The following ZNF827 variants were observed in gnomAD, a reference collection of about 807,000 sequenced individuals.
ZNF827 encodes zinc finger protein 827.
A neutral mutation model predicts 102.4 loss-of-function variants in ZNF827; 13 were observed. That is an observed-to-expected ratio of 0.13 (90% CI 0.08 to 0.20). ZNF827 has a LOEUF of 0.20. Ranked by LOEUF, ZNF827 falls within the 10% of genes least tolerant of loss-of-function variation. The probability of loss-of-function intolerance (pLI) is 1.00; values close to 1 mark genes in which losing one functional copy is unlikely to be tolerated. For synonymous variants in ZNF827, 523 were observed against 536.2 expected (o/e 0.98, Z 0.34); for missense variants, 1,103 against 1,344.4 (o/e 0.82, Z 2.81).
intron 6 of ZNF827, among the ~76,000 whole-genome samples, chr4:145,848,407 C>T (rs964805533): frequency 1.3e-5 from 2 of 152,106 alleles, no homozygotes; most frequent in Non-Finnish European, 1.5e-5. Context: ...CAGATTTTAG[C>T]TTTTTTTCTC....
intron 8 of ZNF827, among the ~76,000 whole-genome samples, chr4:145,808,762 A>G (rs1231437752): frequency 1.3e-5 from 2 of 152,002 alleles, no homozygotes; most frequent in African/African-American, 2.4e-5. Flanking sequence ...TAGGTCTACC[A>G]TTTTTCTGGA....
intron 7 of ZNF827, chr4:145,835,328 CT>C (rs1318586900): frequency 3.3e-5 from 5 of 152,074 alleles, no homozygotes; most frequent in African/African-American, 1.2e-4. Flanking sequence ...AATTCGGAGG[CT>C]ACCCACTCTA....
At chr4:145,836,295 G>C (rs1030570469) in intron 7 of ZNF827, among the ~76,000 whole-genome samples, 1 of 151,654 alleles carries the variant, frequency 6.6e-6, no homozygotes, top group African/African-American at 2.4e-5. Context: ...TGGTTAGCGC[G>C]GTCAGAATTC....
rs1376469282 is a variant in ZNF827, at chr4:145,938,331, T to C, written c.43+34A>G. On this transcript the variant is annotated intron_variant, in intron 1 of 14. Coordinates refer to ENST00000508784, the MANE Select transcript of ZNF827 (RefSeq NM_001306215.2). The stretch of plus-strand genomic sequence containing the variant: ...AAAGAGGAGAGGGAGGGCGAGAAAA[T>C]GGCACGAGAGGAGGTGGAGAAGGGA... 5.0e-6 allele frequency: 8 copies of C among 1,612,982 alleles called. No individual in the cohort carries two copies. The African/African-American group carries it at 8.0e-5, about 16-fold the overall frequency.
At chr4:145,788,846 T>C (rs1739266714) in intron 8 of ZNF827, among the ~76,000 whole-genome samples, 1 of 152,260 alleles carries the variant, frequency 6.6e-6, no homozygotes, top group Admixed American at 6.5e-5. Flanking sequence ...TAATCAGGCC[T>C]GAAAATCATG....
At chr4:145,857,133 A>C (rs1256338730) in intron 5 of ZNF827, among the ~76,000 whole-genome samples, 3 of 152,266 alleles carry the variant, frequency 2.0e-5, no homozygotes, top group Admixed American at 6.5e-5. Flanking sequence ...AAATTTAGGA[A>C]GGAAAATTAA....
chr4:145,922,665 G>A (rs1430843852), intron 1 of ZNF827, among the ~76,000 whole-genome samples: 2 of 152,172 alleles, frequency 1.3e-5, no homozygotes, highest in Admixed American at 6.5e-5. Context: ...ACCAAAGTAC[G>A]GTGGCTGTCT....
At chr4:145,767,288 A>G (rs1361997457) in intron 11 of ZNF827, among the ~76,000 whole-genome samples, 1 of 152,236 alleles carries the variant, frequency 6.6e-6, no homozygotes, top group Non-Finnish European at 1.5e-5. Context: ...GACATGGCAG[A>G]GGAAAAGATG....
intron 6 of ZNF827, 112 bp from the exon 7 acceptor site, chr4:145,846,125 T>C: frequency 1.0e-6 from 1 of 978,416 alleles, no homozygotes; most frequent in Non-Finnish European, 1.5e-6. Flanking sequence ...TTTGTGGTTT[T>C]CTTTTGATTT....
chr4:145,805,849 C>T (rs940561053), intron 8 of ZNF827, among the ~76,000 whole-genome samples: 1 of 152,062 alleles, frequency 6.6e-6, no homozygotes, highest in East Asian at 1.9e-4. Flanking sequence ...ACTTTCTTCC[C>T]CACGAGGCAA....
intron 7 of ZNF827, among the ~76,000 whole-genome samples, chr4:145,834,419 C>T (rs191055263): frequency 1.3e-3 from 194 of 152,270 alleles, no homozygotes; most frequent in African/African-American, 4.4e-3. Flanking sequence ...CCTCCCCAGG[C>T]TGCTCTTCGC....
intron 6 of ZNF827, 64 bp downstream of exon 6, chr4:145,849,258 T>C: frequency 6.5e-7 from 1 of 1,526,890 alleles, no homozygotes; most frequent in Non-Finnish European, 8.8e-7. Flanking sequence ...TAAAAAAAAC[T>C]GTGTTAGAAG....
chr4:145,912,243 T>C (rs990579947), intron 1 of ZNF827, among the ~76,000 whole-genome samples: 1 of 152,230 alleles, frequency 6.6e-6, no homozygotes, highest in African/African-American at 2.4e-5. Flanking sequence ...TATATATAAA[T>C]GTGTTTCAGG....
chr4:145,768,189 G>C (rs190980180), intron 11 of ZNF827, among the ~76,000 whole-genome samples: 4 of 151,986 alleles, frequency 2.6e-5, no homozygotes, highest in Admixed American at 2.6e-4. Context: ...TTTGGAGACA[G>C]GGTCTCACTC....
intron 4 of ZNF827, 90 bp from the exon 5 acceptor site, chr4:145,870,568 A>ATTGTGCAT: frequency 2.6e-6 from 3 of 1,153,986 alleles, no homozygotes; most frequent in Non-Finnish European, 2.5e-6. Context: ...GGAATGCACA[A>ATTGTGCAT]TCACACTGTG....
At chr4:145,937,312 T>C (rs1754262041) in intron 1 of ZNF827, among the ~76,000 whole-genome samples, 1 of 151,710 alleles carries the variant, frequency 6.6e-6, no homozygotes, top group Admixed American at 6.6e-5. Context: ...CGGGGAGGGC[T>C]GTGATGCACT....
chr4:145,784,142 C>T, intron 8 of ZNF827, among the ~76,000 whole-genome samples: 1 of 152,178 alleles, frequency 6.6e-6, no homozygotes, highest in Non-Finnish European at 1.5e-5. Context: ...CAGATGCCAG[C>T]ATCATGCTTC....
At chr4:145,936,554 G>C (rs976416819) in intron 1 of ZNF827, among the ~76,000 whole-genome samples, 4 of 152,164 alleles carry the variant, frequency 2.6e-5, no homozygotes, top group African/African-American at 7.2e-5. Context: ...CGGACTGCTT[G>C]CAAGTGCCCT....
At chr4:145,873,635 G>C (rs1748901277) in intron 4 of ZNF827, among the ~76,000 whole-genome samples, 1 of 152,210 alleles carries the variant, frequency 6.6e-6, no homozygotes, top group Non-Finnish European at 1.5e-5. Flanking sequence ...CTGAATCAAA[G>C]GGAGCAATAA....
Sources: allele counts gnomAD v4.1 joint callset (sites outside exome capture counted in the v4.1 genomes callset), GRCh38; gene constraint gnomAD v4.1.1; transcripts MANE v1.5; gene names NCBI Gene and HGNC (gene_info 2026-07-23, HGNC 2026-07-21).